The following TIMP3 variants were observed in gnomAD, a reference collection of about 807,000 sequenced individuals.
TIMP3 encodes metalloproteinase inhibitor 3.
TIMP3 carries 11 observed loss-of-function variants against 30.0 expected under a neutral mutation model. The observed-to-expected ratio is 0.37, with a 90% CI of 0.23 to 0.61. TIMP3 has a LOEUF of 0.61. TIMP3 is among the 20% of genes least tolerant of loss of function. The pLI, the probability that TIMP3 is intolerant of heterozygous loss-of-function variation, is 0.70. For missense variants in TIMP3, 181 were observed against 276.8 expected (o/e 0.65, Z 2.45); for synonymous variants, 112 against 111.3 (o/e 1.01, Z -0.04).
chr22:32,811,809 A>C (rs2046924268), intron 1 of TIMP3, among the ~76,000 whole-genome samples: 1 of 152,238 alleles, frequency 6.6e-6, no homozygotes. Flanking sequence ...TTCTGAGGGC[A>C]AGCCCAACAC....
At position 32,828,360 on chromosome 22, in the gene TIMP3, G is replaced by C. The variant is rs117258599; in HGVS notation, c.122-21092G>C. On this transcript the variant is annotated intron_variant, in intron 1 of 4. Transcript: ENST00000266085. ...CATTCTTTTATGTTGATGTGAAGTAGCAAATCTTTCAGAGATACAGGCCTC... is the reference window on the plus strand; with the variant it reads ...CATTCTTTTATGTTGATGTGAAGTACCAAATCTTTCAGAGATACAGGCCTC... Among the ~76,000 whole-genome samples, 1,483 of 152,324 alleles carry C rather than the reference G, an allele frequency of 9.7e-3. 12 individuals are homozygous for C. The highest frequency in any genetic ancestry group is 0.014 in the Non-Finnish European group (984 of 68,028).
chr22:32,843,740 T>C (rs564917582), intron 1 of TIMP3, among the ~76,000 whole-genome samples: 1 of 152,294 alleles, frequency 6.6e-6, no homozygotes, highest in Admixed American at 6.5e-5. Flanking sequence ...AGAGCCTGCC[T>C]GCTGGGGTCC....
chr22:32,857,214 G>A, intron 2 of TIMP3, 35 bp from the exon 3 acceptor site: 1 of 1,550,774 alleles, frequency 6.4e-7, no homozygotes, highest in South Asian at 1.1e-5. Flanking sequence ...TCCAAACTGG[G>A]AAAGAAGAAG....
At chr22:32,853,287 T>A (rs996818295) in intron 2 of TIMP3, among the ~76,000 whole-genome samples, 11 of 152,160 alleles carry the variant, frequency 7.2e-5, no homozygotes, top group Non-Finnish European at 1.5e-4. Flanking sequence ...CAAATTGCTG[T>A]ATAGAGAAAG....
rs979674744 is a variant in TIMP3 at position 32,808,751 on chromosome 22, C to T, written c.121+6629C>T. Among the ~76,000 whole-genome samples the T allele has an allele frequency of 1.7e-4, 26 of 152,236 alleles. No individual in the cohort carries two copies. The South Asian group carries it at 2.5e-3, about 15-fold the overall frequency. ...GATCACTCCTTGGCATTGGTACAGA[C>T]GAACAGTCATAAACCTTGCCCATAT... is the stretch of plus-strand genomic sequence containing the variant. On this transcript the variant is annotated intron_variant, in intron 1 of 4. Transcript: ENST00000266085.
At chr22:32,815,210 T>G (rs1397438773) in intron 1 of TIMP3, among the ~76,000 whole-genome samples, 3 of 152,222 alleles carry the variant, frequency 2.0e-5, no homozygotes, top group African/African-American at 7.2e-5. Flanking sequence ...TTCGAGGTAC[T>G]TTTGGGCTGA....
rs570547718 is a variant in TIMP3, at chr22:32,861,484, T to A, written c.*2107T>A. 6.6e-6 allele frequency: 1 copy of A among 152,370 alleles called. No individual in the cohort carries two copies. Among genetic ancestry groups the A allele is most frequent in the East Asian group, 1.9e-4 (1 of 5,170 alleles). The allele number at this position is 152,370 out of a possible 1,614,324, so 9.4% of individuals were successfully genotyped here. On this transcript the variant is annotated 3_prime_UTR_variant, in exon 5 of 5. Transcript: ENST00000266085. The stretch of plus-strand genomic sequence containing the variant: ...CTTATTTTAACCTCAAGGTCTCGCA[T>A]GGTGGGGCCCCTGACCAACCTACAC...
chr22:32,847,382 GA>G (rs1251148475), intron 1 of TIMP3, among the ~76,000 whole-genome samples: 1 of 152,152 alleles, frequency 6.6e-6, no homozygotes, highest in African/African-American at 2.4e-5. Flanking sequence ...AGCAGACTTG[GA>G]AACAACCACT....
At chr22:32,808,600 C>CCA (rs1460375514) in intron 1 of TIMP3, among the ~76,000 whole-genome samples, 1 of 152,170 alleles carries the variant, frequency 6.6e-6, no homozygotes, top group Non-Finnish European at 1.5e-5. Flanking sequence ...ATAGTCTCAT[C>CCA]ACTGGTCTGT....
chr22:32,850,824 G>C (rs1180974578), intron 2 of TIMP3, among the ~76,000 whole-genome samples: 1 of 152,204 alleles, frequency 6.6e-6, no homozygotes, highest in Non-Finnish European at 1.5e-5. Context: ...CTCCCCAGAG[G>C]AGACAAGCCG....
intron 1 of TIMP3, among the ~76,000 whole-genome samples, chr22:32,807,384 TA>T (rs2046785677): frequency 9.3e-6 from 1 of 107,140 alleles, no homozygotes. Context: ...ATATAATATA[TA>T]TTATATATAA....
At chr22:32,811,241 A>C (rs996706575) in intron 1 of TIMP3, among the ~76,000 whole-genome samples, 1 of 152,184 alleles carries the variant, frequency 6.6e-6, no homozygotes. Context: ...GGGGCCCCAA[A>C]AGTGGGGAGC....
intron 1 of TIMP3, chr22:32,833,923 C>A (rs2047653383): frequency 8.1e-6 from 4 of 494,628 alleles, no homozygotes; most frequent in South Asian, 4.3e-5. Context: ...GTATTGTAAT[C>A]ATTGACAATA....
At chr22:32,820,286 G>C (rs1244702412) in intron 1 of TIMP3, among the ~76,000 whole-genome samples, 2 of 150,398 alleles carry the variant, frequency 1.3e-5, no homozygotes, top group Non-Finnish European at 3.0e-5. Flanking sequence ...GTGTGTGTGT[G>C]TGGTGTGTGT....
rs140675407 is a variant in TIMP3 at position 32,843,580 on chromosome 22, G to A, written c.122-5872G>A. 6.4e-3 allele frequency among the ~76,000 whole-genome samples: 968 copies of A among 152,324 alleles called. 7 individuals carry two copies. The highest frequency in any genetic ancestry group is 7.5e-3 in the South Asian group (36 of 4,828). On this transcript the variant is annotated intron_variant, in intron 1 of 4. Coordinates refer to ENST00000266085, the MANE Select transcript of TIMP3 (RefSeq NM_000362.5). ...ATGATAAAATACACACGAAGGGGCCGTGAGACAAGCTGGGTGACAGGGATC... is the reference window on the plus strand; with the variant it reads ...ATGATAAAATACACACGAAGGGGCCATGAGACAAGCTGGGTGACAGGGATC...
intron 1 of TIMP3, among the ~76,000 whole-genome samples, chr22:32,802,438 G>T (rs2046614884): frequency 6.6e-6 from 1 of 152,076 alleles, no homozygotes; most frequent in South Asian, 2.1e-4. Flanking sequence ...CGGAGGAAGG[G>T]CTAGAAGAGA....
chr22:32,815,244 G>A (rs2047057745), intron 1 of TIMP3, among the ~76,000 whole-genome samples: 1 of 152,204 alleles, frequency 6.6e-6, no homozygotes, highest in Non-Finnish European at 1.5e-5. Flanking sequence ...GCTACTGACA[G>A]CTTTGCTGCA....
chr22:32,854,458 G>C (rs2048308491), intron 2 of TIMP3, among the ~76,000 whole-genome samples: 1 of 152,178 alleles, frequency 6.6e-6, no homozygotes, highest in South Asian at 2.1e-4. Flanking sequence ...TGACGCAGAA[G>C]GAATGAGGTT....
At chr22:32,807,146 G>T (rs111303650) in intron 1 of TIMP3, among the ~76,000 whole-genome samples, 1 of 150,328 alleles carries the variant, frequency 6.7e-6, no homozygotes, top group Non-Finnish European at 1.5e-5. Flanking sequence ...AGACTGGGTA[G>T]CTCCCCCTGG....
Sources: allele counts gnomAD v4.1 joint callset (sites outside exome capture counted in the v4.1 genomes callset), GRCh38; gene constraint gnomAD v4.1.1; transcripts MANE v1.5; gene names NCBI Gene and HGNC (gene_info 2026-07-23, HGNC 2026-07-21).